Variants in NTM observed in about 807,000 individuals in gnomAD.
NTM encodes the protein neurotrimin.
A neutral mutation model predicts 42.1 loss-of-function variants in NTM; 13 were observed. The ratio of observed to expected loss-of-function variants is 0.31; its 90% CI spans 0.20 to 0.49. The LOEUF is 0.49. Among genes scored for constraint, NTM ranks in the 20% least tolerant of loss-of-function variants. NTM has a pLI of 0.99. For missense variants in NTM, 373 were observed against 452.8 expected, an observed-to-expected ratio of 0.82 and a Z score of 1.60; for synonymous variants, 187 against 179.2, an observed-to-expected ratio of 1.04 and a Z score of -0.35.
chr11:131,853,366 G>C, intron 1 of NTM, among the ~76,000 whole-genome samples: 2 of 152,186 alleles, frequency 1.3e-5, no homozygotes, highest in East Asian at 3.9e-4. Flanking sequence ...GAATCCATTC[G>C]CTATTCTTCC....
intron 2 of NTM, among the ~76,000 whole-genome samples, chr11:131,917,755 G>T (rs1296743472): frequency 6.6e-6 from 1 of 152,210 alleles, no homozygotes; most frequent in African/African-American, 2.4e-5. Context: ...CTCAGGACCC[G>T]CCACTGGGCA....
At chr11:132,248,026 C>T (rs758374759) in intron 4 of NTM, among the ~76,000 whole-genome samples, 2 of 150,190 alleles carry the variant, frequency 1.3e-5, no homozygotes, top group East Asian at 2.2e-4. Context: ...TGGTCACAGC[C>T]CACAGCATCC....
intron 2 of NTM, among the ~76,000 whole-genome samples, chr11:132,123,516 T>C (rs1213637278): frequency 6.6e-6 from 1 of 152,144 alleles, no homozygotes; most frequent in Non-Finnish European, 1.5e-5. Flanking sequence ...GATCCAAGCT[T>C]TGAGTACCAG....
At chr11:131,992,627 C>T (rs2067235710) in intron 2 of NTM, among the ~76,000 whole-genome samples, 1 of 152,170 alleles carries the variant, frequency 6.6e-6, no homozygotes. Flanking sequence ...CTCTAATCTA[C>T]ATGATGGAAC....
At chr11:132,152,429 C>T (rs2072156074) in intron 3 of NTM, among the ~76,000 whole-genome samples, 1 of 152,220 alleles carries the variant, frequency 6.6e-6, no homozygotes, top group Admixed American at 6.5e-5. Context: ...TCCCAAACTG[C>T]TTTCCAATGA....
At chr11:132,103,457 C>G (rs1250466771) in intron 2 of NTM, among the ~76,000 whole-genome samples, 2 of 152,188 alleles carry the variant, frequency 1.3e-5, no homozygotes, top group Non-Finnish European at 2.9e-5. Flanking sequence ...GTGAAAATGC[C>G]TTTTCGTATT....
At chr11:131,526,129 G>A (rs899770879) in intron 1 of NTM, among the ~76,000 whole-genome samples, 1 of 152,224 alleles carries the variant, frequency 6.6e-6, no homozygotes, top group African/African-American at 2.4e-5. Context: ...TCACAGTGAA[G>A]GCAACTGAGA....
chr11:132,145,694 G>A (rs562413889), intron 2 of NTM, among the ~76,000 whole-genome samples: 2 of 152,240 alleles, frequency 1.3e-5, no homozygotes, highest in East Asian at 3.9e-4. Context: ...CAATAGTGGT[G>A]GTCTGTATTT....
At chr11:131,408,088 C>A (rs1368626938) in intron 1 of NTM, among the ~76,000 whole-genome samples, 5 of 152,192 alleles carry the variant, frequency 3.3e-5, no homozygotes, top group Admixed American at 2.0e-4. Flanking sequence ...CAGTGCCCCC[C>A]TTAATGGGCA....
chr11:132,088,166 A>G (rs2059963378), intron 2 of NTM, among the ~76,000 whole-genome samples: 2 of 152,358 alleles, frequency 1.3e-5, no homozygotes, highest in South Asian at 4.1e-4. Context: ...CTGTTACAGT[A>G]CCAATAAAAG....
intron 1 of NTM, among the ~76,000 whole-genome samples, chr11:131,448,994 C>T (rs1019003030): frequency 6.6e-6 from 1 of 152,068 alleles, no homozygotes; most frequent in Admixed American, 6.5e-5. Flanking sequence ...CAGCAATGGC[C>T]TACAATAGGC....
intron 2 of NTM, among the ~76,000 whole-genome samples, chr11:132,057,482 T>A (rs1306911197): frequency 6.6e-6 from 1 of 152,240 alleles, no homozygotes; most frequent in East Asian, 1.9e-4. Flanking sequence ...AGAAAACATC[T>A]TTGAAAATAA....
At chr11:131,813,753 C>T (rs536836910) in intron 1 of NTM, among the ~76,000 whole-genome samples, 1 of 152,296 alleles carries the variant, frequency 6.6e-6, no homozygotes, top group South Asian at 2.1e-4. Context: ...TGCAACACTA[C>T]TTCTGTGATG....
chr11:131,799,864 G>T (rs1414860379), intron 1 of NTM, among the ~76,000 whole-genome samples: 1 of 152,158 alleles, frequency 6.6e-6, no homozygotes, highest in Non-Finnish European at 1.5e-5. Flanking sequence ...ATCTGGGTTT[G>T]GGTGTCAGGA....
chr11:131,976,946 G>C (rs571755621), intron 2 of NTM, among the ~76,000 whole-genome samples: 1 of 152,180 alleles, frequency 6.6e-6, no homozygotes, highest in Non-Finnish European at 1.5e-5. Flanking sequence ...ATATCGGTGT[G>C]TGTGGGTAGT....
intron 4 of NTM, among the ~76,000 whole-genome samples, chr11:132,216,112 C>T (rs776666059): frequency 1.3e-5 from 2 of 152,236 alleles, no homozygotes; most frequent in Non-Finnish European, 2.9e-5. Flanking sequence ...ATCCCTTAAA[C>T]TCTCAGCTTT....
rs2060787823 is a variant in NTM, at chr11:131,949,895, A to G, written c.167+38247A>G. Among the ~76,000 whole-genome samples the G allele has an allele frequency of 2.1e-5, 3 of 139,556 alleles. No homozygotes were observed. The South Asian group carries it at 6.7e-4, about 31-fold the overall frequency. The allele number at this position is 139,556 out of a possible 152,430, so 91.6% of individuals were successfully genotyped here. A position where few individuals can be genotyped will look rare whatever the true frequency, so the allele number is the denominator to read the frequency against. ...TCATCCTATTGAGACTCTCCTAGCT[A>G]CTCACACTTTTCTCTTCTGACACTT... On this transcript the variant is annotated intron_variant, in intron 2 of 8. Transcript: ENST00000683400.
chr11:131,623,872 A>G (rs1249151595), intron 1 of NTM, among the ~76,000 whole-genome samples: 1 of 152,242 alleles, frequency 6.6e-6, no homozygotes, highest in East Asian at 1.9e-4. Context: ...TAGCCAAGGA[A>G]AAACCTCGGG....
chr11:132,001,758 G>A (rs1466937879), intron 2 of NTM, among the ~76,000 whole-genome samples: 1 of 148,098 alleles, frequency 6.8e-6, no homozygotes, highest in African/African-American at 2.5e-5. Context: ...ACTATATCAT[G>A]CATATACACA....
Sources: allele counts gnomAD v4.1 joint callset (sites outside exome capture counted in the v4.1 genomes callset), GRCh38; gene constraint gnomAD v4.1.1; transcripts MANE v1.5; gene names NCBI Gene and HGNC (gene_info 2026-07-23, HGNC 2026-07-21).